The following SLX4IP variants were observed in gnomAD, a reference collection of about 807,000 sequenced individuals.
The protein encoded by SLX4IP is SLX4 interacting protein, also known as protein SLX4IP.
In SLX4IP, 34 loss-of-function variants were observed where a neutral mutation model predicts 32.9. The ratio of observed to expected loss-of-function variants is 1.03; its 90% CI spans 0.79 to 1.38. SLX4IP has a LOEUF of 1.38. Among genes scored for constraint, SLX4IP ranks in the 40% most tolerant of loss-of-function variants. SLX4IP has a pLI of 0.00. For synonymous variants in SLX4IP, 172 were observed against 171.7 expected, an observed-to-expected ratio of 1.00 and a Z score of -0.01; for missense variants, 444 against 479.0, an observed-to-expected ratio of 0.93 and a Z score of 0.68.
At chr20:10,546,716 G>A (rs187439212) in intron 2 of SLX4IP, among the ~76,000 whole-genome samples, 267 of 152,282 alleles carry the variant, frequency 1.8e-3, no homozygotes, top group Non-Finnish European at 2.8e-3. Context: ...CAGAGCCACT[G>A]AGGCTCAGGG....
At chr20:10,448,166 G>A (rs185374727) in intron 1 of SLX4IP, among the ~76,000 whole-genome samples, 4 of 152,220 alleles carry the variant, frequency 2.6e-5, no homozygotes, top group Non-Finnish European at 4.4e-5. Flanking sequence ...AGAATTGACT[G>A]ATTTTTCATT....
At position 10,501,082 on chromosome 20, in the gene SLX4IP, A is replaced by G. The variant is rs118111555; in HGVS notation, c.27+42851A>G. On this transcript the variant is annotated intron_variant, in intron 2 of 7. Coordinates refer to ENST00000334534, the MANE Select transcript of SLX4IP (RefSeq NM_001009608.3). Reference sequence around the variant, plus strand: ...AACTAGTTGGTGGCTTAGTTACAGGAATTACACCTGAAAATAAATCGCGAA... The same window carrying G: ...AACTAGTTGGTGGCTTAGTTACAGGGATTACACCTGAAAATAAATCGCGAA... Among the ~76,000 whole-genome samples the G allele has an allele frequency of 9.5e-4, 144 of 152,322 alleles. 1 individual carries two copies. In the East Asian group the frequency reaches 0.024, roughly 26 times the overall value.
At chr20:10,583,891 G>T (rs1160493107) in intron 4 of SLX4IP, among the ~76,000 whole-genome samples, 1 of 152,028 alleles carries the variant, frequency 6.6e-6, no homozygotes, top group Non-Finnish European at 1.5e-5. Context: ...CTTAATTCAG[G>T]CAATTAAGAT....
chr20:10,603,467 T>C (rs2066867467), intron 6 of SLX4IP, among the ~76,000 whole-genome samples: 1 of 152,200 alleles, frequency 6.6e-6, no homozygotes, highest in African/African-American at 2.4e-5. Context: ...GTGAGTTCAG[T>C]TTCTTTATCT....
rs372995070 is a variant in SLX4IP, at chr20:10,518,506, C to CT, written c.28-37723dup. 1.3e-3 allele frequency among the ~76,000 whole-genome samples: 111 copies of CT among 88,676 alleles called. 4 individuals are homozygous for CT. The South Asian group carries it at 0.021, about 17-fold the overall frequency. 58.2% of individuals were successfully genotyped at this position (88,676 alleles called of 152,430 possible). Reference sequence around the variant, plus strand: ...TCCTTTCCTTTTCCTTCCTTCCTTCCTTCCTTCCTTCCTTCCTTCCTTCCT... The same window carrying CT: ...TCCTTTCCTTTTCCTTCCTTCCTTCCTTTCCTTCCTTCCTTCCTTCCTTCCT... On this transcript the variant is annotated intron_variant, in intron 2 of 7. Coordinates refer to ENST00000334534, the MANE Select transcript of SLX4IP (RefSeq NM_001009608.3).
chr20:10,478,316 T>C (rs1213158578), intron 2 of SLX4IP, among the ~76,000 whole-genome samples: 1 of 152,210 alleles, frequency 6.6e-6, no homozygotes, highest in African/African-American at 2.4e-5. Flanking sequence ...TCAGTAGGTG[T>C]TTTTCCTGTT....
At position 10,623,757 on chromosome 20, in the gene SLX4IP, G is replaced by A. The variant is rs145329434; in HGVS notation, c.*378G>A. 8 of 184,664 alleles carry A rather than the reference G, an allele frequency of 4.3e-5. No homozygotes were observed. The East Asian group carries it at 6.8e-4, about 16-fold the overall frequency. The allele number at this position is 184,664 out of a possible 1,614,324, so 11.4% of individuals were successfully genotyped here. On this transcript the variant is annotated 3_prime_UTR_variant, in exon 8 of 8. Transcript: ENST00000334534. ...TGGACCGTGCAAAGACAGTGCTGCC[G>A]TGCTGCCTTTCAGCTCCAGGGGTAC...
At chr20:10,503,223 G>A (rs2065733674) in intron 2 of SLX4IP, among the ~76,000 whole-genome samples, 1 of 152,192 alleles carries the variant, frequency 6.6e-6, no homozygotes, top group Admixed American at 6.5e-5. Context: ...TGTATATGAT[G>A]CAGTCCTTCT....
chr20:10,463,961 G>A (rs2065359603), intron 2 of SLX4IP, among the ~76,000 whole-genome samples: 1 of 152,098 alleles, frequency 6.6e-6, no homozygotes, highest in Non-Finnish European at 1.5e-5. Flanking sequence ...GGAAGGCTGG[G>A]GAAGGAAACA....
At chr20:10,546,328 G>C (rs1009077599) in intron 2 of SLX4IP, among the ~76,000 whole-genome samples, 7 of 152,176 alleles carry the variant, frequency 4.6e-5, no homozygotes, top group Non-Finnish European at 1.0e-4. Flanking sequence ...AGTTTTACTT[G>C]TAATGTGGTG....
intron 2 of SLX4IP, among the ~76,000 whole-genome samples, chr20:10,526,659 C>T (rs1467173758): frequency 1.3e-5 from 2 of 152,078 alleles, no homozygotes; most frequent in African/African-American, 4.8e-5. Flanking sequence ...CTTTAAGAGA[C>T]AGGGTCTCAG....
chr20:10,623,596 G>A lies in SLX4IP; in HGVS notation c.*217G>A. The stretch of plus-strand genomic sequence containing the variant: ...CTAACAGCGTTGCTTCTTTATCATT[G>A]TATTTTATGACTGTCTTCAGAGAAT... On this transcript the variant is annotated 3_prime_UTR_variant, in exon 8 of 8. Coordinates refer to ENST00000334534, the MANE Select transcript of SLX4IP (RefSeq NM_001009608.3). The A allele has an allele frequency of 1.6e-6, 1 of 633,592 alleles. No homozygotes were observed. Among genetic ancestry groups the A allele is most frequent in the Non-Finnish European group, 2.6e-6 (1 of 383,874 alleles). The allele number at this position is 633,592 out of a possible 1,614,324, so 39.2% of individuals were successfully genotyped here. A position where few individuals can be genotyped will look rare whatever the true frequency, so the allele number is the denominator to read the frequency against.
At chr20:10,570,332 A>G (rs1056239008) in intron 4 of SLX4IP, among the ~76,000 whole-genome samples, 3 of 152,180 alleles carry the variant, frequency 2.0e-5, no homozygotes, top group South Asian at 2.1e-4. Context: ...CAAGGTGGCT[A>G]TCCACTCAGG....
chr20:10,604,938 G>C (rs1379675458), intron 6 of SLX4IP, among the ~76,000 whole-genome samples: 1 of 151,986 alleles, frequency 6.6e-6, no homozygotes, highest in African/African-American at 2.4e-5. Context: ...ACCTTTATTT[G>C]GTTTGTTTTT....
At chr20:10,586,388 T>C (rs1228908021) in intron 4 of SLX4IP, among the ~76,000 whole-genome samples, 2 of 152,210 alleles carry the variant, frequency 1.3e-5, no homozygotes, top group African/African-American at 4.8e-5. Context: ...GCATTTGCCT[T>C]ATTTGGATAT....
intron 2 of SLX4IP, among the ~76,000 whole-genome samples, chr20:10,460,914 C>T (rs2065331973): frequency 6.6e-6 from 1 of 152,150 alleles, no homozygotes; most frequent in Non-Finnish European, 1.5e-5. Flanking sequence ...TATAGTTTCA[C>T]TATGAAATCT....
intron 2 of SLX4IP, among the ~76,000 whole-genome samples, chr20:10,506,618 G>A (rs2065762040): frequency 6.6e-6 from 1 of 152,140 alleles, no homozygotes; most frequent in Admixed American, 6.5e-5. Flanking sequence ...GTTTACCAAG[G>A]GCACTGTTGA....
intron 2 of SLX4IP, 81 bp from the exon 3 acceptor site, chr20:10,556,150 A>G (rs2066264516): frequency 2.3e-6 from 3 of 1,315,386 alleles, no homozygotes; most frequent in Non-Finnish European, 3.2e-6. Context: ...GAGCAACCAC[A>G]TAGGAATTTG....
intron 2 of SLX4IP, among the ~76,000 whole-genome samples, chr20:10,474,442 C>T (rs940265461): frequency 9.2e-5 from 14 of 152,156 alleles, no homozygotes; most frequent in Non-Finnish European, 1.9e-4. Flanking sequence ...TAATGAGGCC[C>T]CATACAATGT....
Sources: allele counts gnomAD v4.1 joint callset (sites outside exome capture counted in the v4.1 genomes callset), GRCh38; gene constraint gnomAD v4.1.1; transcripts MANE v1.5; gene names NCBI Gene and HGNC (gene_info 2026-07-23, HGNC 2026-07-21).